The following ARHGAP15 variants were observed in gnomAD, a reference collection of about 807,000 sequenced individuals.
ARHGAP15 encodes the protein rho GTPase-activating protein 15.
A neutral mutation model predicts 63.7 loss-of-function variants in ARHGAP15; 51 were observed. The observed-to-expected ratio is 0.80, with a 90% confidence interval of 0.64 to 1.01. The LOEUF is 1.01. Ranked by LOEUF, ARHGAP15 falls within the 50% of genes least tolerant of loss-of-function variation. ARHGAP15 has a pLI of 0.00. For missense variants in ARHGAP15, 560 were observed against 564.6 expected (o/e 0.99, Z 0.08); for synonymous variants, 191 against 193.8 (o/e 0.99, Z 0.12).
chr2:143,469,950 T>A (rs986346282), intron 8 of ARHGAP15, among the ~76,000 whole-genome samples: 21 of 151,804 alleles, frequency 1.4e-4, no homozygotes, highest in African/African-American at 4.8e-4. Context: ...ACTCTCTCAC[T>A]CTCTCTCTTT....
intron 10 of ARHGAP15, among the ~76,000 whole-genome samples, chr2:143,545,213 G>A (rs997290595): frequency 2.6e-5 from 4 of 152,128 alleles, no homozygotes; most frequent in African/African-American, 9.7e-5. Context: ...TCACCTGAAT[G>A]CTTAGCAGAG....
intron 6 of ARHGAP15, among the ~76,000 whole-genome samples, chr2:143,427,417 A>G (rs2105068464): frequency 6.6e-6 from 1 of 152,278 alleles, no homozygotes; most frequent in African/African-American, 2.4e-5. Flanking sequence ...AGCAATGAGC[A>G]TCTTTGCATC....
At chr2:143,402,652 A>G (rs1469487771) in intron 6 of ARHGAP15, among the ~76,000 whole-genome samples, 2 of 151,808 alleles carry the variant, frequency 1.3e-5, no homozygotes, top group Admixed American at 6.6e-5. Flanking sequence ...TTTCCCCATG[A>G]TGCAGATATG....
chr2:143,170,078 T>G (rs1690711654), intron 2 of ARHGAP15, among the ~76,000 whole-genome samples: 1 of 149,874 alleles, frequency 6.7e-6, no homozygotes, highest in Non-Finnish European at 1.5e-5. Context: ...CTCTGCCATT[T>G]GACCATCACT....
intron 5 of ARHGAP15, among the ~76,000 whole-genome samples, chr2:143,239,990 CAAAAA>C (rs60960176): frequency 9.1e-4 from 24 of 26,458 alleles, no homozygotes; most frequent in Admixed American, 7.1e-4. Flanking sequence ...GACTCTGTCT[CAAAAA>C]AAAAAAAAAA....
At chr2:143,275,184 C>T (rs527760003) in intron 6 of ARHGAP15, among the ~76,000 whole-genome samples, 29 of 151,842 alleles carry the variant, frequency 1.9e-4, no homozygotes, top group Non-Finnish European at 2.2e-4. Flanking sequence ...GCAGAAACCA[C>T]CCACAAACTA....
chr2:143,624,662 A>G (rs1212601568), intron 12 of ARHGAP15, among the ~76,000 whole-genome samples: 1 of 152,216 alleles, frequency 6.6e-6, no homozygotes, highest in African/African-American at 2.4e-5. Flanking sequence ...AGTGAATTAA[A>G]TATTACATTT....
chr2:143,426,957 T>C (rs1288284173), intron 6 of ARHGAP15, among the ~76,000 whole-genome samples: 1 of 152,234 alleles, frequency 6.6e-6, no homozygotes, highest in Admixed American at 6.5e-5. Flanking sequence ...TGAATTGTCT[T>C]GAGCCGGAAG....
intron 12 of ARHGAP15, among the ~76,000 whole-genome samples, chr2:143,678,479 C>T (rs2105365338): frequency 6.6e-6 from 1 of 152,304 alleles, no homozygotes; most frequent in Non-Finnish European, 1.5e-5. Flanking sequence ...GCCAACAGTT[C>T]CAACCAAGTT....
intron 8 of ARHGAP15, among the ~76,000 whole-genome samples, chr2:143,469,075 T>C (rs1214788387): frequency 6.6e-6 from 1 of 152,164 alleles, no homozygotes; most frequent in South Asian, 2.1e-4. Context: ...GAATAAAATA[T>C]TGTGTAATAA....
intron 9 of ARHGAP15, among the ~76,000 whole-genome samples, chr2:143,506,454 C>T (rs927846188): frequency 2.9e-5 from 4 of 138,712 alleles, no homozygotes; most frequent in African/African-American, 1.0e-4. Flanking sequence ...GTTTTAACTT[C>T]AGATTAATAG....
chr2:143,498,468 C>G (rs1394840346), intron 9 of ARHGAP15, among the ~76,000 whole-genome samples: 1 of 152,130 alleles, frequency 6.6e-6, no homozygotes, highest in African/African-American at 2.4e-5. Context: ...TTGAAATTGA[C>G]TATATTGCTG....
chr2:143,474,847 G>GTTTA (rs1691738712), intron 8 of ARHGAP15, among the ~76,000 whole-genome samples: 4 of 152,156 alleles, frequency 2.6e-5, no homozygotes, highest in Admixed American at 2.0e-4. Context: ...AAAAAGCTTG[G>GTTTA]CAATTTGATT....
rs567343571 is a variant in ARHGAP15 at position 143,747,581 on chromosome 2, G to C, written c.1245-20408G>C. On this transcript the variant is annotated intron_variant, in intron 13 of 13. Transcript: ENST00000295095. ...CCTCTGCAACCACTGTTCTTTTTCT[G>C]TCTCCAAAGTTTTGCCTTTTCCAGG... 3.3e-5 allele frequency among the ~76,000 whole-genome samples: 5 copies of C among 152,028 alleles called. No homozygotes were observed. The South Asian group carries it at 6.2e-4, about 19-fold the overall frequency.
intron 13 of ARHGAP15, among the ~76,000 whole-genome samples, chr2:143,710,863 C>T (rs567265600): frequency 6.6e-6 from 1 of 152,278 alleles, no homozygotes; most frequent in African/African-American, 2.4e-5. Flanking sequence ...AGTCTGTAAC[C>T]GTCCCTTTTG....
rs141677138 is a variant in ARHGAP15, at chr2:143,327,530, T to A, written c.474+76930T>A. The stretch of plus-strand genomic sequence containing the variant: ...GGCTACAGTTAACAAAACAGCTTGG[T>A]ACTGGTACCAAAACAGATACATAGA... On this transcript the variant is annotated intron_variant, in intron 6 of 13. Transcript: ENST00000295095. Among the ~76,000 whole-genome samples the A allele has an allele frequency of 3.3e-3, 509 of 152,298 alleles. 5 individuals are homozygous for A. Among genetic ancestry groups the A allele is most frequent in the African/African-American group, 0.012 (491 of 41,568 alleles).
intron 6 of ARHGAP15, among the ~76,000 whole-genome samples, chr2:143,260,202 G>T (rs975532651): frequency 1.3e-5 from 2 of 152,080 alleles, no homozygotes; most frequent in South Asian, 4.1e-4. Flanking sequence ...AGTTCACATC[G>T]CACTTTTTGT....
intron 12 of ARHGAP15, among the ~76,000 whole-genome samples, chr2:143,694,612 T>C (rs1180107397): frequency 6.6e-6 from 1 of 152,246 alleles, no homozygotes; most frequent in Non-Finnish European, 1.5e-5. Context: ...TTGCCTGTTT[T>C]TCTTCTTTTA....
At chr2:143,527,807 C>A (rs1260376541) in intron 10 of ARHGAP15, among the ~76,000 whole-genome samples, 2 of 151,974 alleles carry the variant, frequency 1.3e-5, no homozygotes, top group African/African-American at 4.8e-5. Context: ...TTCAACATTG[C>A]TGAAATCCTC....
Sources: allele counts gnomAD v4.1 joint callset (sites outside exome capture counted in the v4.1 genomes callset), GRCh38; gene constraint gnomAD v4.1.1; transcripts MANE v1.5; gene names NCBI Gene and HGNC (gene_info 2026-07-23, HGNC 2026-07-21).